Variants in NAALADL2 observed in about 807,000 individuals in gnomAD.
The protein encoded by NAALADL2 is N-acetylated alpha-linked acidic dipeptidase like 2, also known as inactive N-acetylated-alpha-linked acidic dipeptidase-like protein 2.
A neutral mutation model predicts 87.2 loss-of-function variants in NAALADL2; 76 were observed. The ratio of observed to expected loss-of-function variants is 0.87; its 90% confidence interval spans 0.72 to 1.05. The LOEUF (loss-of-function observed/expected upper bound fraction) is 1.05. Among genes scored for constraint, NAALADL2 ranks in the 50% least tolerant of loss-of-function variants. The pLI is 0.00. For missense variants in NAALADL2, 1,089 were observed against 945.8 expected, an observed-to-expected ratio of 1.15 and a Z score of -1.99; for synonymous variants, 354 against 331.0, an observed-to-expected ratio of 1.07 and a Z score of -0.75.
intron 13 of NAALADL2, among the ~76,000 whole-genome samples, chr3:175,758,705 A>G (rs1747593379): frequency 6.6e-6 from 1 of 152,138 alleles, no homozygotes; most frequent in Non-Finnish European, 1.5e-5. Flanking sequence ...TGAAAAGTAG[A>G]TTGATTATTT....
At chr3:175,164,523 G>T (rs764261209) in intron 2 of NAALADL2, among the ~76,000 whole-genome samples, 17 of 152,012 alleles carry the variant, frequency 1.1e-4, no homozygotes, top group Non-Finnish European at 1.8e-4. Flanking sequence ...ACATTTTTAA[G>T]TTATTTAAGA....
intron 9 of NAALADL2, among the ~76,000 whole-genome samples, chr3:175,486,204 C>T (rs769556923): frequency 6.6e-6 from 1 of 152,152 alleles, no homozygotes; most frequent in Non-Finnish European, 1.5e-5. Flanking sequence ...TTTTCCACTG[C>T]AAGACTACAT....
At chr3:175,452,149 G>A (rs754784350) in intron 6 of NAALADL2, among the ~76,000 whole-genome samples, 1 of 152,140 alleles carries the variant, frequency 6.6e-6, no homozygotes, top group African/African-American at 2.4e-5. Flanking sequence ...ACTAATCAAT[G>A]TGTTCAGAGC....
At chr3:175,023,704 A>G (rs998278648) in intron 1 of NAALADL2, among the ~76,000 whole-genome samples, 10 of 152,108 alleles carry the variant, frequency 6.6e-5, no homozygotes, top group African/African-American at 2.4e-4. Flanking sequence ...GAAATGCTTC[A>G]TACTAGAATG....
chr3:174,979,374 C>T (rs1300466336), intron 1 of NAALADL2, among the ~76,000 whole-genome samples: 4 of 138,006 alleles, frequency 2.9e-5, no homozygotes, highest in South Asian at 2.2e-4. Context: ...GGCACAGTCT[C>T]GGCTCACTGC....
intron 2 of NAALADL2, among the ~76,000 whole-genome samples, chr3:175,208,672 C>T (rs559850931): frequency 6.6e-6 from 1 of 152,204 alleles, no homozygotes; most frequent in African/African-American, 2.4e-5. Context: ...TCCGATAATG[C>T]ATTTTTCCAC....
intron 11 of NAALADL2, among the ~76,000 whole-genome samples, chr3:175,638,524 G>A (rs1202324668): frequency 1.3e-5 from 2 of 152,130 alleles, no homozygotes; most frequent in Admixed American, 6.5e-5. Flanking sequence ...AGAAAATATG[G>A]TCACAGTGCC....
In NAALADL2 at chr3:175,438,122, C is replaced by T. The variant is rs954218036; in HGVS notation, c.1091-9107C>T. Among the ~76,000 whole-genome samples, 49 of 152,040 alleles carry T rather than the reference C, an allele frequency of 3.2e-4. 1 individual carries two copies. Among genetic ancestry groups the T allele is most frequent in the Non-Finnish European group, 4.4e-5 (3 of 67,988 alleles). On this transcript the variant is annotated intron_variant, in intron 5 of 13. Transcript: ENST00000454872. ...ATTTAAACTTCAGTAATTAATTCAT[C>T]AGAAAATTGTCACTGATCCCCTTCC...
At chr3:175,463,115 A>C (rs16825727) in intron 6 of NAALADL2, among the ~76,000 whole-genome samples, 10,597 of 152,144 alleles carry the variant, frequency 0.07, 567 homozygotes, top group East Asian at 0.24. Context: ...CATGATGAAC[A>C]CTCATTGTAG....
intron 1 of NAALADL2, among the ~76,000 whole-genome samples, chr3:174,868,666 C>A (rs1727444834): frequency 6.6e-6 from 1 of 152,052 alleles, no homozygotes; most frequent in Admixed American, 6.6e-5. Context: ...AACTTGATTT[C>A]TTGCTTGGAT....
At chr3:174,699,446 A>G (rs1468857084) in intron 2 of NAALADL2, among the ~76,000 whole-genome samples, 1 of 151,298 alleles carries the variant, frequency 6.6e-6, no homozygotes, top group Non-Finnish European at 1.5e-5. Flanking sequence ...GTGAGCCAAG[A>G]CCACACCATT....
At chr3:174,774,718 G>T (rs1376234293) in intron 3 of NAALADL2, among the ~76,000 whole-genome samples, 2 of 152,140 alleles carry the variant, frequency 1.3e-5, no homozygotes, top group African/African-American at 4.8e-5. Context: ...GCTGTTGCAG[G>T]TACATACTTA....
intron 1 of NAALADL2, among the ~76,000 whole-genome samples, chr3:175,016,615 C>A (rs533486128): frequency 2.0e-5 from 3 of 151,464 alleles, no homozygotes; most frequent in Non-Finnish European, 2.9e-5. Flanking sequence ...TTAAAGAAAT[C>A]TTCTTAAATA....
chr3:175,261,574 T>C (rs909455843), intron 4 of NAALADL2, among the ~76,000 whole-genome samples: 1 of 151,894 alleles, frequency 6.6e-6, no homozygotes, highest in Non-Finnish European at 1.5e-5. Flanking sequence ...CTCTATTGCT[T>C]TTTTTTATAA....
chr3:175,135,764 A>G (rs565105911), intron 2 of NAALADL2, among the ~76,000 whole-genome samples: 82 of 152,290 alleles, frequency 5.4e-4, no homozygotes, highest in African/African-American at 1.9e-3. Flanking sequence ...AGGTGTCTTG[A>G]TAAGAAATCC....
chr3:175,579,353 G>A (rs1661987596), intron 10 of NAALADL2, among the ~76,000 whole-genome samples: 1 of 152,042 alleles, frequency 6.6e-6, no homozygotes, highest in Admixed American at 6.6e-5. Flanking sequence ...TTATGGACAT[G>A]TCAAAAAAAC....
At chr3:174,930,097 A>G (rs549301316) in intron 1 of NAALADL2, among the ~76,000 whole-genome samples, 372 of 152,316 alleles carry the variant, frequency 2.4e-3, no homozygotes, top group Non-Finnish European at 4.5e-3. Flanking sequence ...AGTATCCAGC[A>G]AGGACATAAT....
intron 5 of NAALADL2, among the ~76,000 whole-genome samples, chr3:175,344,773 A>AT (rs1459894626): frequency 6.6e-6 from 1 of 152,106 alleles, no homozygotes; most frequent in Non-Finnish European, 1.5e-5. Context: ...TTTCATATTA[A>AT]TTTTTTATCA....
chr3:175,160,360 C>CTTTTTTTTTTTTTTTTTTTTTTTT (rs71164618), intron 2 of NAALADL2, among the ~76,000 whole-genome samples: 1 of 57,036 alleles, frequency 1.8e-5, no homozygotes, highest in Non-Finnish European at 3.7e-5. Context: ...TCTTTTCTTT[C>CTTTTTTTTTTTTTTTTTTTTTTTT]TTTTTTTTTT....
Sources: allele counts gnomAD v4.1 joint callset (sites outside exome capture counted in the v4.1 genomes callset), GRCh38; gene constraint gnomAD v4.1.1; transcripts MANE v1.5; gene names NCBI Gene and HGNC (gene_info 2026-07-23, HGNC 2026-07-21).